Variants in RSBN1 observed in about 807,000 individuals in gnomAD.
The protein encoded by RSBN1 is round spermatid basic protein 1, also known as lysine-specific demethylase 9.
In RSBN1, 23 loss-of-function variants were observed where a neutral mutation model predicts 74.8. That is an observed-to-expected ratio of 0.31 (90% CI 0.22 to 0.44). The LOEUF (loss-of-function observed/expected upper bound fraction) is 0.44, where lower values mean the gene tolerates loss of function less well. Among genes scored for constraint, RSBN1 ranks in the 20% least tolerant of loss-of-function variants. RSBN1 has a pLI of 1.00. For missense variants in RSBN1, 808 were observed against 1,020.9 expected (o/e 0.79, Z 2.84); for synonymous variants, 407 against 379.6 (o/e 1.07, Z -0.84).
At position 113,772,893 on chromosome 1, in the gene RSBN1, T is replaced by A. The variant is rs1227416672; in HGVS notation, c.1658+4317A>T. ...AAGCCAATTCCAGGTGGATTAAATA[T>A]GTAAATACTGAAAGCACAGAAGTAC... is the stretch of plus-strand genomic sequence containing the variant. On this transcript the variant is annotated intron_variant, in intron 4 of 6. Transcript: ENST00000261441. Among the ~76,000 whole-genome samples the A allele has an allele frequency of 3.9e-5, 6 of 152,192 alleles. No homozygotes were observed. The East Asian group carries it at 1.2e-3, about 29-fold the overall frequency.
At position 113,769,414 on chromosome 1, in the gene RSBN1, T is replaced by TA. The variant is rs141702596; in HGVS notation, c.1659-1026dup. On this transcript the variant is annotated intron_variant, in intron 4 of 6. Coordinates refer to ENST00000261441, the MANE Select transcript of RSBN1 (RefSeq NM_018364.5). ...ATCTCCTTCTACATTAAAATGAAAG[T>TA]AAAAGTCTTCAAACCAATAATAGGG... 5.1e-3 allele frequency among the ~76,000 whole-genome samples: 779 copies of TA among 152,194 alleles called. 4 individuals are homozygous for TA. The highest frequency in any genetic ancestry group is 0.018 in the African/African-American group (752 of 41,514).
At chr1:113,779,842 G>A (rs1182200081) in intron 2 of RSBN1, among the ~76,000 whole-genome samples, 1 of 151,910 alleles carries the variant, frequency 6.6e-6, no homozygotes, top group Non-Finnish European at 1.5e-5. Context: ...CCGAGATGGT[G>A]AAATCCCGTC....
At chr1:113,788,299 CAAGT>C (rs1014027186) in intron 2 of RSBN1, among the ~76,000 whole-genome samples, 8 of 151,880 alleles carry the variant, frequency 5.3e-5, no homozygotes, top group African/African-American at 1.9e-4. Context: ...AGAAAATTAA[CAAGT>C]AATACAAGAA....
At chr1:113,794,480 A>C (rs1198864509) in intron 2 of RSBN1, among the ~76,000 whole-genome samples, 2 of 151,714 alleles carry the variant, frequency 1.3e-5, no homozygotes, top group Non-Finnish European at 2.9e-5. Flanking sequence ...TCTGGTCTCA[A>C]CTCCTTCCAT....
rs1659686734 is a variant in RSBN1 at position 113,761,945 on chromosome 1, G to C, written c.*4035C>G. 6.6e-6 allele frequency: 1 copy of C among 151,472 alleles called. No homozygotes were observed. The highest frequency in any genetic ancestry group is 6.6e-5 in the Admixed American group (1 of 15,174). The allele number at this position is 151,472 out of a possible 1,614,324, so 9.4% of individuals were successfully genotyped here. ...ATAGCTTAACAATTTAACACACTTA[G>C]ACAGCTACAAAAAAGCACTGTGTTA... On this transcript the variant is annotated 3_prime_UTR_variant, in exon 7 of 7. Transcript: ENST00000261441.
chr1:113,790,581 G>C (rs533864815), intron 2 of RSBN1, among the ~76,000 whole-genome samples: 2 of 152,252 alleles, frequency 1.3e-5, no homozygotes, highest in African/African-American at 4.8e-5. Flanking sequence ...GGCTTCCCAG[G>C]CAATGTTGAC....
chr1:113,770,304 T>C lies in RSBN1; in HGVS notation c.1659-1915A>G, dbSNP rs757452162. Among the ~76,000 whole-genome samples the C allele has an allele frequency of 4.3e-4, 65 of 152,242 alleles. 1 individual carries two copies. The highest frequency in any genetic ancestry group is 6.8e-3 in the Middle Eastern group (2 of 294). ...ATCTAGCAACTATAAAGGGAGCTAG[T>C]GTAAGTAAATAGCCTAAGCCAAGAG... On this transcript the variant is annotated intron_variant, in intron 4 of 6. Transcript: ENST00000261441.
chr1:113,799,116 C>CCATTTTATATAAA (rs1419373260), intron 1 of RSBN1, among the ~76,000 whole-genome samples: 1 of 152,118 alleles, frequency 6.6e-6, no homozygotes, highest in Non-Finnish European at 1.5e-5. Flanking sequence ...CATTCTGATC[C>CCATTTTATATAAA]CATTTTTATA....
At chr1:113,795,137 T>A (rs1480683091) in intron 2 of RSBN1, among the ~76,000 whole-genome samples, 1 of 152,220 alleles carries the variant, frequency 6.6e-6, no homozygotes, top group Non-Finnish European at 1.5e-5. Flanking sequence ...CACACGGAGA[T>A]ACTTTAATTT....
chr1:113,773,290 C>T (rs761414254), intron 4 of RSBN1, among the ~76,000 whole-genome samples: 7 of 151,642 alleles, frequency 4.6e-5, no homozygotes, highest in Non-Finnish European at 8.8e-5. Flanking sequence ...TTTGGCAGGC[C>T]GAAGTGGCTA....
chr1:113,777,549 T>C (rs1660056535), intron 3 of RSBN1, 122 bp downstream of exon 3: 3 of 1,049,876 alleles, frequency 2.9e-6, no homozygotes, highest in Non-Finnish European at 4.0e-6. Context: ...TATCTAAACA[T>C]TTCTGTGCAA....
rs564659823 is a variant in RSBN1, at chr1:113,777,651, T to G, written c.1515+20A>C. On this transcript the variant is annotated intron_variant, in intron 3 of 6. Coordinates refer to ENST00000261441, the MANE Select transcript of RSBN1 (RefSeq NM_018364.5). ...ACTTAAGTAAAGATCAAAACTTTAATAATCTTAATTAACACTCACTTTCAG... is the reference window on the plus strand; with the variant it reads ...ACTTAAGTAAAGATCAAAACTTTAAGAATCTTAATTAACACTCACTTTCAG... 2 of 1,598,746 alleles carry G rather than the reference T, an allele frequency of 1.3e-6. No homozygotes were observed. Among genetic ancestry groups the G allele is most frequent in the East Asian group, 4.5e-5 (2 of 44,654 alleles).
Position 113,812,277 on chromosome 1 carries a change from C to A in RSBN1, c.136G>T (p.Val46Leu), listed in dbSNP as rs778406897. Residue 46 changes from valine to leucine, a missense_variant, in exon 1 of 7, where the codon GTG becomes TTG. This residue lies in a region of RSBN1 where 464 missense variants were observed against 401.0 expected (regional missense o/e 1.16). Transcript: ENST00000261441. Reference sequence around the variant, plus strand: ...CCGACCTGCGCAGCCATTTCACCCACAAACACACATTTAAATGGCCCGACC... The same window carrying A: ...CCGACCTGCGCAGCCATTTCACCCAAAAACACACATTTAAATGGCCCGACC... ...GAVGPFKCVF[V>L]GEMAAQVGAV... 5.0e-6 allele frequency: 8 copies of A among 1,605,626 alleles called. No homozygotes were observed. Among genetic ancestry groups the A allele is most frequent in the Non-Finnish European group, 5.1e-6 (6 of 1,179,858 alleles).
chr1:113,791,733 C>G (rs1197880005), intron 2 of RSBN1, among the ~76,000 whole-genome samples: 8 of 151,810 alleles, frequency 5.3e-5, no homozygotes. Flanking sequence ...AGAATCAAGC[C>G]TACCATTTTT....
rs1408345218 is a variant in RSBN1 at position 113,768,236 on chromosome 1, T to C, written c.1812A>G (p.Val604=). Residue 604 remains valine, a synonymous_variant, in exon 5 of 7, where the codon GTA becomes GTG. Coordinates refer to ENST00000261441, the MANE Select transcript of RSBN1 (RefSeq NM_018364.5). ...STAAVGVLKA[V]QFGEWSDQPR... is the part of the protein sequence containing the mutation. ...AATTAACTCACCATTCACCAAATTG[T>C]ACAGCTTTCAAAACTCCAACAGCAG... is the stretch of plus-strand genomic sequence containing the variant. The C allele has an allele frequency of 1.2e-6, 2 of 1,608,458 alleles. No homozygotes were observed. Among genetic ancestry groups the C allele is most frequent in the African/African-American group, 2.7e-5 (2 of 74,540 alleles).
chr1:113,799,406 T>C (rs1660535931), intron 1 of RSBN1, among the ~76,000 whole-genome samples: 2 of 152,082 alleles, frequency 1.3e-5, no homozygotes. Context: ...ATAAGTGGGA[T>C]GCATTAAGTT....
At chr1:113,778,985 A>T (rs187506716) in intron 2 of RSBN1, among the ~76,000 whole-genome samples, 2 of 152,108 alleles carry the variant, frequency 1.3e-5, no homozygotes, top group Non-Finnish European at 2.9e-5. Flanking sequence ...GTAATCTCCA[A>T]TTTAGAGTTT....
intron 2 of RSBN1, among the ~76,000 whole-genome samples, chr1:113,790,505 A>C (rs1475680260): frequency 4.6e-5 from 7 of 152,178 alleles, no homozygotes; most frequent in Admixed American, 4.6e-4. Flanking sequence ...GAAAAGATGT[A>C]TACAGATAAA....
Position 113,767,087 on chromosome 1 carries a change from A to C in RSBN1, c.1935+12T>G. ...CTAATATCGCAAATGGTGATAAAAC[A>C]TAAGTTATTACCTGGGAAACTGGAG... On this transcript the variant is annotated intron_variant, in intron 6 of 6. Transcript: ENST00000261441. The C allele has an allele frequency of 6.8e-7, 1 of 1,476,758 alleles. No individual in the cohort carries two copies. Among genetic ancestry groups the C allele is most frequent in the Non-Finnish European group, 9.4e-7 (1 of 1,063,772 alleles). 91.5% of individuals were successfully genotyped at this position (1,476,758 alleles called of 1,614,324 possible). A position where few individuals can be genotyped will look rare whatever the true frequency, so the allele number is the denominator to read the frequency against.
Sources: gnomAD v4.1 joint callset for allele counts (sites outside exome capture counted in the v4.1 genomes callset) on GRCh38, gnomAD v4.1.1 for gene constraint, gnomAD v4.1.1 regional missense constraint, MANE v1.5 for transcripts, NCBI Gene and HGNC (gene_info 2026-07-23, HGNC 2026-07-21) for gene names.